Variants in SLC22A25 observed in about 807,000 individuals in gnomAD.
SLC22A25 encodes the protein solute carrier family 22 member 25.
SLC22A25 carries 44 observed loss-of-function variants against 45.9 expected under a neutral mutation model. The observed-to-expected ratio is 0.96, with a 90% CI of 0.75 to 1.23. The LOEUF (loss-of-function observed/expected upper bound fraction) is 1.23, where lower values mean the gene tolerates loss of function less well. SLC22A25 is among the 50% of genes most tolerant of loss of function. The probability of loss-of-function intolerance (pLI) is 0.00; values close to 1 mark genes in which losing one functional copy is unlikely to be tolerated. For missense variants in SLC22A25, 800 were observed against 666.4 expected, an observed-to-expected ratio of 1.20 and a Z score of -2.21; for synonymous variants, 283 against 238.6, an observed-to-expected ratio of 1.19 and a Z score of -1.72.
intron 9 of SLC22A25, among the ~76,000 whole-genome samples, chr11:63,171,027 A>G (rs189786426): frequency 6.6e-6 from 1 of 152,238 alleles, no homozygotes; most frequent in East Asian, 1.9e-4. Context: ...ATCAATAAAT[A>G]TAATCCATCA....
intron 7 of SLC22A25, among the ~76,000 whole-genome samples, chr11:63,184,514 A>G (rs1290334767): frequency 6.6e-6 from 1 of 152,164 alleles, no homozygotes; most frequent in Non-Finnish European, 1.5e-5. Context: ...TTAATCATAC[A>G]TTAGGGTTTG....
intron 7 of SLC22A25, among the ~76,000 whole-genome samples, chr11:63,213,268 A>G (rs1191820605): frequency 6.6e-6 from 1 of 152,230 alleles, no homozygotes; most frequent in Non-Finnish European, 1.5e-5. Flanking sequence ...GAACAGGAAA[A>G]GGCCTTCAAG....
chr11:63,183,942 A>C, intron 7 of SLC22A25, 125 bp from the exon 8 acceptor site: 1 of 1,329,088 alleles, frequency 7.5e-7, no homozygotes, highest in Non-Finnish European at 1.0e-6. Flanking sequence ...ATACCAGGAA[A>C]TAAAAGCCTA....
intron 7 of SLC22A25, among the ~76,000 whole-genome samples, chr11:63,193,929 A>C (rs1456673808): frequency 6.6e-6 from 1 of 152,148 alleles, no homozygotes; most frequent in African/African-American, 2.4e-5. Context: ...AAGATTCGAC[A>C]AATGGCTAAC....
chr11:63,208,976 G>A lies in SLC22A25; in HGVS notation c.830+8338C>T, dbSNP rs113802617. On this transcript the variant is annotated intron_variant, in intron 7 of 11. Coordinates refer to ENST00000306494, the MANE Select transcript of SLC22A25 (RefSeq NM_199352.6). ...GTGTCAAAACCAACTCCTTTGGAGT[G>A]CATGATAAAGTATTTAAAAAAAGGA... Among the ~76,000 whole-genome samples, 231 of 152,268 alleles carry A rather than the reference G, an allele frequency of 1.5e-3. 1 individual carries two copies. The highest frequency in any genetic ancestry group is 4.7e-3 in the African/African-American group (196 of 41,548).
intron 7 of SLC22A25, among the ~76,000 whole-genome samples, chr11:63,189,688 G>T (rs929339339): frequency 1.3e-4 from 20 of 152,274 alleles, no homozygotes; most frequent in African/African-American, 4.6e-4. Flanking sequence ...GGTACCGGTT[G>T]TTCCTTTCCA....
intron 7 of SLC22A25, among the ~76,000 whole-genome samples, chr11:63,196,649 A>G (rs575043430): frequency 6.6e-6 from 1 of 152,338 alleles, no homozygotes; most frequent in South Asian, 2.1e-4. Context: ...ATCCAATATC[A>G]TACTGAATGG....
chr11:63,188,139 C>T (rs892923581), intron 7 of SLC22A25, among the ~76,000 whole-genome samples: 2 of 152,122 alleles, frequency 1.3e-5, no homozygotes, highest in Non-Finnish European at 2.9e-5. Context: ...CCTCTTTGTA[C>T]CTCTGGTAGA....
chr11:63,229,950 T>C lies in SLC22A25; in HGVS notation c.-298A>G, dbSNP rs1356914850. Among the ~76,000 whole-genome samples, 2 of 152,214 alleles carry C rather than the reference T, an allele frequency of 1.3e-5. No homozygotes were observed. The highest frequency in any genetic ancestry group is 2.9e-5 in the Non-Finnish European group (2 of 68,042). ...TAAACATTAGACATCTACTTATTGA[T>C]GTCTTTAGTAGCTCCCCAATAGCAG... On this transcript the variant is annotated 5_prime_UTR_variant, in exon 4 of 12. Coordinates refer to ENST00000306494, the MANE Select transcript of SLC22A25 (RefSeq NM_199352.6).
intron 5 of SLC22A25, among the ~76,000 whole-genome samples, chr11:63,220,255 C>T (rs887348903): frequency 1.3e-5 from 2 of 152,110 alleles, no homozygotes; most frequent in African/African-American, 2.4e-5. Context: ...AAAATGTCTG[C>T]CCCATCACAC....
chr11:63,191,397 G>T lies in SLC22A25; in HGVS notation c.831-7580C>A, dbSNP rs574403291. Among the ~76,000 whole-genome samples, 365 of 152,310 alleles carry T rather than the reference G, an allele frequency of 2.4e-3. 1 individual carries two copies. The highest frequency in any genetic ancestry group is 8.2e-3 in the African/African-American group (342 of 41,564). On this transcript the variant is annotated intron_variant, in intron 7 of 11. Transcript: ENST00000306494. ...TGCCGTTTGCTAAGACCATTGAAAA[G>T]CACAGTATTAGGGTGGGAGTGACCC...
chr11:63,191,350 C>G (rs569739191), intron 7 of SLC22A25, among the ~76,000 whole-genome samples: 31 of 152,320 alleles, frequency 2.0e-4, no homozygotes, highest in Middle Eastern at 6.8e-3. Flanking sequence ...CTGAGTCAGG[C>G]ATGGGATATA....
chr11:63,237,107 G>C (rs956446694), intron 3 of SLC22A25, among the ~76,000 whole-genome samples: 1 of 152,114 alleles, frequency 6.6e-6, no homozygotes, highest in African/African-American at 2.4e-5. Flanking sequence ...ACCAAATATT[G>C]CATGTTCTTA....
At chr11:63,236,594 G>T (rs923594484) in intron 3 of SLC22A25, among the ~76,000 whole-genome samples, 2 of 152,100 alleles carry the variant, frequency 1.3e-5, no homozygotes, top group Non-Finnish European at 2.9e-5. Context: ...TGCTTCCTGG[G>T]TGAGGTGATG....
intron 9 of SLC22A25, chr11:63,167,881 C>A: frequency 3.3e-6 from 1 of 300,230 alleles, no homozygotes; most frequent in Non-Finnish European, 6.6e-6. Flanking sequence ...GAGACACTTC[C>A]CAGCAGGGGT....
chr11:63,233,950 G>A (rs1448481397), intron 3 of SLC22A25, among the ~76,000 whole-genome samples: 1 of 152,204 alleles, frequency 6.6e-6, no homozygotes, highest in Non-Finnish European at 1.5e-5. Context: ...GCAGTTTTGA[G>A]TGAGTTTCTT....
intron 7 of SLC22A25, among the ~76,000 whole-genome samples, chr11:63,211,044 C>G (rs1185576596): frequency 6.6e-6 from 1 of 150,896 alleles, no homozygotes; most frequent in Non-Finnish European, 1.5e-5. Context: ...AACTGTGTGC[C>G]AGAAGGCCAC....
At chr11:63,192,955 G>A (rs2088869132) in intron 7 of SLC22A25, among the ~76,000 whole-genome samples, 2 of 152,068 alleles carry the variant, frequency 1.3e-5, no homozygotes, top group Non-Finnish European at 2.9e-5. Context: ...AGATATTCAG[G>A]AGCTGACATC....
intron 8 of SLC22A25, among the ~76,000 whole-genome samples, chr11:63,181,066 A>G (rs1304715414): frequency 6.6e-6 from 1 of 152,092 alleles, no homozygotes; most frequent in Non-Finnish European, 1.5e-5. Context: ...AGGATGGGGA[A>G]AAAAATGAAG....
Sources: gnomAD v4.1 joint callset for allele counts (sites outside exome capture counted in the v4.1 genomes callset) on GRCh38, gnomAD v4.1.1 for gene constraint, MANE v1.5 for transcripts, NCBI Gene and HGNC (gene_info 2026-07-23, HGNC 2026-07-21) for gene names.